RASGRF2: variants seen among roughly 807,000 people sequenced by gnomAD.
RASGRF2 encodes ras-specific guanine nucleotide-releasing factor 2.
RASGRF2 carries 76 observed loss-of-function variants against 151.0 expected under a neutral mutation model. That is an observed-to-expected ratio of 0.50 (90% CI 0.42 to 0.61). The LOEUF (loss-of-function observed/expected upper bound fraction) is 0.61, where lower values mean the gene tolerates loss of function less well. Among genes scored for constraint, RASGRF2 ranks in the 20% least tolerant of loss-of-function variants. The pLI is 0.00. For missense variants in RASGRF2, 1,148 were observed against 1,564.6 expected (o/e 0.73, Z 4.49); for synonymous variants, 504 against 566.5 (o/e 0.89, Z 1.57).
intron 18 of RASGRF2, among the ~76,000 whole-genome samples, chr5:81,193,039 C>T (rs1000652969): frequency 1.3e-5 from 2 of 152,168 alleles, no homozygotes; most frequent in South Asian, 2.1e-4. Context: ...TTAATCCACT[C>T]TGCAGTATTT....
At chr5:81,076,802 T>C (rs1043910014) in intron 5 of RASGRF2, among the ~76,000 whole-genome samples, 1 of 152,188 alleles carries the variant, frequency 6.6e-6, no homozygotes, top group East Asian at 1.9e-4. Flanking sequence ...GATTCAGGAA[T>C]GTTGTATTAA....
At chr5:81,103,247 G>GTT (rs1350630893) in intron 12 of RASGRF2, among the ~76,000 whole-genome samples, 2 of 151,608 alleles carry the variant, frequency 1.3e-5, no homozygotes, top group African/African-American at 4.8e-5. Context: ...TAAGAGCCAG[G>GTT]TTATATATAT....
intron 18 of RASGRF2, chr5:81,183,092 T>TA: frequency 1.2e-6 from 1 of 821,996 alleles, no homozygotes; most frequent in Non-Finnish European, 1.5e-6. Flanking sequence ...CAGTAGCTTT[T>TA]AAAAAATGAG....
At chr5:81,199,199 G>A (rs1353409682) in intron 18 of RASGRF2, among the ~76,000 whole-genome samples, 5 of 152,180 alleles carry the variant, frequency 3.3e-5, no homozygotes, top group Non-Finnish European at 5.9e-5. Flanking sequence ...AGGTTCACAG[G>A]TTGCATTTAG....
At chr5:81,191,933 C>T (rs1755161019) in intron 18 of RASGRF2, among the ~76,000 whole-genome samples, 1 of 152,150 alleles carries the variant, frequency 6.6e-6, no homozygotes, top group Non-Finnish European at 1.5e-5. Flanking sequence ...CATTCATTGC[C>T]ATTTGCCGCT....
At chr5:81,044,191 G>A (rs563892724) in intron 2 of RASGRF2, among the ~76,000 whole-genome samples, 2 of 152,268 alleles carry the variant, frequency 1.3e-5, no homozygotes, top group South Asian at 4.1e-4. Context: ...GCTGAAGTGG[G>A]CAGATCACCT....
In RASGRF2 at chr5:81,077,763, G is replaced by T. The variant is rs566501245; in HGVS notation, c.888-2358G>T. 7.2e-5 allele frequency among the ~76,000 whole-genome samples: 11 copies of T among 152,264 alleles called. 2 individuals carry two copies. Among genetic ancestry groups the T allele is most frequent in the African/African-American group, 2.6e-4 (11 of 41,562 alleles). The stretch of plus-strand genomic sequence containing the variant: ...TCTGATAATGAGAGGAACTGGAGAG[G>T]GTGGGTATTGAAAACTCTTTTGAGG... On this transcript the variant is annotated intron_variant, in intron 5 of 26. Coordinates refer to ENST00000265080, the MANE Select transcript of RASGRF2 (RefSeq NM_006909.3).
chr5:81,000,657 G>A (rs769486381), intron 1 of RASGRF2, among the ~76,000 whole-genome samples: 7 of 151,998 alleles, frequency 4.6e-5, no homozygotes, highest in African/African-American at 9.7e-5. Flanking sequence ...GAGCATATCC[G>A]ACTTTACCCA....
intron 1 of RASGRF2, among the ~76,000 whole-genome samples, chr5:80,992,571 C>T (rs982152318): frequency 6.6e-6 from 1 of 152,120 alleles, no homozygotes; most frequent in Non-Finnish European, 1.5e-5. Context: ...ACAGTTGGTT[C>T]CAGGATAAGC....
At chr5:80,982,198 G>T (rs78770679) in intron 1 of RASGRF2, among the ~76,000 whole-genome samples, 1 of 152,182 alleles carries the variant, frequency 6.6e-6, no homozygotes, top group African/African-American at 2.4e-5. Context: ...AGCACTTGCT[G>T]AGTATTGAGG....
At chr5:81,005,868 A>G (rs9293827) in intron 1 of RASGRF2, among the ~76,000 whole-genome samples, 39,491 of 152,150 alleles carry the variant, frequency 0.26, 5,473 homozygotes, top group South Asian at 0.32. Flanking sequence ...GCATTAAGTC[A>G]GAGGTAGGAA....
intron 1 of RASGRF2, among the ~76,000 whole-genome samples, chr5:81,033,028 C>T (rs1102234): frequency 2.0e-5 from 3 of 151,312 alleles, no homozygotes; most frequent in African/African-American, 7.3e-5. Flanking sequence ...GCCAAATCAT[C>T]AGTGAACTCC....
Position 80,970,490 on chromosome 5 carries a change from A to G in RASGRF2, c.288+9464A>G, listed in dbSNP as rs368995692. Reference sequence around the variant, plus strand: ...CTTCTTTGGATATTGCTGCTGGCCAACCTTTCAGTGTGTTTATCCCCGTTT... The same window carrying G: ...CTTCTTTGGATATTGCTGCTGGCCAGCCTTTCAGTGTGTTTATCCCCGTTT... On this transcript the variant is annotated intron_variant, in intron 1 of 26. Transcript: ENST00000265080. Among the ~76,000 whole-genome samples, 533 of 152,234 alleles carry G rather than the reference A, an allele frequency of 3.5e-3. 2 individuals are homozygous for G. Among genetic ancestry groups the G allele is most frequent in the African/African-American group, 0.012 (489 of 41,536 alleles).
intron 2 of RASGRF2, among the ~76,000 whole-genome samples, chr5:81,056,747 T>C (rs1476257548): frequency 1.3e-5 from 2 of 152,220 alleles, no homozygotes; most frequent in Non-Finnish European, 2.9e-5. Flanking sequence ...CTCCCATTAT[T>C]ATTGTGTGGA....
At chr5:81,164,457 A>G (rs768622787) in intron 17 of RASGRF2, among the ~76,000 whole-genome samples, 6 of 7,984 alleles carry the variant, frequency 7.5e-4, no homozygotes, top group Non-Finnish European at 1.3e-3. Flanking sequence ...ACGTTTGATG[A>G]AAAAAAAAAA....
chr5:81,094,747 G>A, intron 11 of RASGRF2, 109 bp from the exon 12 acceptor site: 1 of 1,215,252 alleles, frequency 8.2e-7, no homozygotes, highest in Non-Finnish European at 1.2e-6. Flanking sequence ...TGAAATGAGA[G>A]TCCCGATTTG....
intron 18 of RASGRF2, among the ~76,000 whole-genome samples, chr5:81,193,861 G>A (rs933354877): frequency 4.6e-5 from 7 of 152,186 alleles, no homozygotes; most frequent in Admixed American, 2.6e-4. Flanking sequence ...TAGAAAAGCA[G>A]TTTAAAAACT....
chr5:81,129,220 C>G (rs1264902579), intron 17 of RASGRF2, among the ~76,000 whole-genome samples: 4 of 152,186 alleles, frequency 2.6e-5, no homozygotes, highest in Non-Finnish European at 2.9e-5. Context: ...CCTATGGGCT[C>G]CAATCGTCAT....
chr5:81,031,661 A>G (rs1070525), intron 1 of RASGRF2, among the ~76,000 whole-genome samples: 58,838 of 151,966 alleles, frequency 0.39, 11,695 homozygotes, highest in Middle Eastern at 0.62. Context: ...TGTGTATAGG[A>G]AAATTTATAG....
Sources: allele counts gnomAD v4.1 joint callset (sites outside exome capture counted in the v4.1 genomes callset), GRCh38; gene constraint gnomAD v4.1.1; transcripts MANE v1.5; gene names NCBI Gene and HGNC (gene_info 2026-07-23, HGNC 2026-07-21).